The following TMEM60 variants were observed in gnomAD, a reference collection of about 807,000 sequenced individuals.
TMEM60 encodes the protein transmembrane protein 60.
A neutral mutation model predicts 10.7 loss-of-function variants in TMEM60; 4 were observed. That is an observed-to-expected ratio of 0.37 (90% CI 0.18 to 0.86). The LOEUF (loss-of-function observed/expected upper bound fraction) is 0.86, where lower values mean the gene tolerates loss of function less well. Among genes scored for constraint, TMEM60 ranks in the 40% least tolerant of loss-of-function variants. TMEM60 has a pLI of 0.43. For missense variants in TMEM60, 128 were observed against 153.4 expected, an observed-to-expected ratio of 0.83 and a Z score of 0.88; for synonymous variants, 56 against 58.1, an observed-to-expected ratio of 0.96 and a Z score of 0.17.
In TMEM60 at chr7:77,794,075, T is replaced by G. The variant is rs369051045; in HGVS notation, c.299A>C (p.Gln100Pro). The G allele has an allele frequency of 6.2e-7, 1 of 1,613,990 alleles. No homozygotes were observed. Among genetic ancestry groups the G allele is most frequent in the Non-Finnish European group, 8.5e-7 (1 of 1,180,014 alleles). ...FCLALCAKLE[Q>P]FTTMNLSYVF... ...ATAGGATAGATTCATGGTAGTAAAC[T>G]GTTCCAGTTTAGCACAGAGTGCGAG... is the stretch of plus-strand genomic sequence containing the variant. The change falls in exon 2 of 2, where the codon CAG (glutamine) becomes CCG (proline). Residue 100 changes from glutamine (Q) to proline (P), a missense_variant. By Grantham distance (76) the Gln-to-Pro change is moderately conservative. Transcript: ENST00000257663.
chr7:77,796,338 G>C (rs1792167185), intron 1 of TMEM60, among the ~76,000 whole-genome samples: 1 of 152,136 alleles, frequency 6.6e-6, no homozygotes, highest in Non-Finnish European at 1.5e-5. Context: ...ATAAAACTTA[G>C]CTTGGGATAG....
chr7:77,797,207 A>G (rs910930952), intron 1 of TMEM60, among the ~76,000 whole-genome samples: 1 of 152,060 alleles, frequency 6.6e-6, no homozygotes, highest in African/African-American at 2.4e-5. Flanking sequence ...GTTTTTGTGA[A>G]CCTCTGAAAA....
intron 1 of TMEM60, among the ~76,000 whole-genome samples, chr7:77,795,861 ACTAT>A (rs1461928266): frequency 6.6e-6 from 1 of 151,968 alleles, no homozygotes; most frequent in Non-Finnish European, 1.5e-5. Context: ...TTGCACTAAT[ACTAT>A]ATGACTTAGT....
Position 77,794,139 on chromosome 7 carries a change from A to G in TMEM60, c.235T>C (p.Trp79Arg). ...TTAAGTAACATTGCAATGAGGTACC[A>G]GGCTTTTTTTTTAATATTGTGTGAT... ...HGSHNIKKKA[W>R]YLIAMLLKLA... Residue 79 changes from tryptophan to arginine, a missense_variant, in exon 2 of 2, where the codon TGG becomes CGG. Coordinates refer to ENST00000257663, the MANE Select transcript of TMEM60 (RefSeq NM_032936.4). The G allele has an allele frequency of 6.2e-7, 1 of 1,613,734 alleles. No homozygotes were observed. The highest frequency in any genetic ancestry group is 8.5e-7 in the Non-Finnish European group (1 of 1,179,958).
chr7:77,797,566 T>C (rs1458256957), intron 1 of TMEM60, among the ~76,000 whole-genome samples: 13 of 152,190 alleles, frequency 8.5e-5, no homozygotes, highest in Admixed American at 8.5e-4. Flanking sequence ...TTTCCTACTA[T>C]TCTCTCCACA....
rs867555663 is a variant in TMEM60, at chr7:77,794,201, G to A, written c.173C>T (p.Ala58Val). 1.2e-6 allele frequency: 2 copies of A among 1,613,768 alleles called. No individual in the cohort carries two copies. Among genetic ancestry groups the A allele is most frequent in the Admixed American group, 1.7e-5 (1 of 59,950 alleles). Residue 58 changes from alanine to valine, a missense_variant, in exon 2 of 2, where the codon GCT becomes GTT. By Grantham distance (64) the Ala-to-Val change is moderately conservative (BLOSUM62 0). Transcript: ENST00000257663. ...ILLVLLIVKM[A>V]GRCKSGFDPR... The stretch of plus-strand genomic sequence containing the variant: ...GTCAAAGCCAGACTTACACCGCCCA[G>A]CCATTTTCACAATCAGCAGGACAAG...
chr7:77,796,863 A>G lies in TMEM60; in HGVS notation c.-51+1391T>C, dbSNP rs149712689. Among the ~76,000 whole-genome samples, 11 of 152,322 alleles carry G rather than the reference A, an allele frequency of 7.2e-5. No individual in the cohort carries two copies. The East Asian group carries it at 1.9e-3, about 27-fold the overall frequency. The stretch of plus-strand genomic sequence containing the variant: ...TGATGTACTGTGCAACATCTCTACT[A>G]CTTTAAATAGTGGGTGGCTATCACA... On this transcript the variant is annotated intron_variant, in intron 1 of 1. Transcript: ENST00000257663.
chr7:77,795,568 A>G (rs184381206), intron 1 of TMEM60, among the ~76,000 whole-genome samples: 1 of 152,310 alleles, frequency 6.6e-6, no homozygotes, highest in East Asian at 1.9e-4. Flanking sequence ...AAAGGCACTG[A>G]TAACACTGGA....
intron 1 of TMEM60, among the ~76,000 whole-genome samples, chr7:77,796,092 C>T (rs1338934719): frequency 1.3e-5 from 2 of 152,098 alleles, no homozygotes; most frequent in Non-Finnish European, 2.9e-5. Context: ...TGTGCGCCAC[C>T]ACGCCCAGCT....
At chr7:77,794,461 C>T in intron 1 of TMEM60, 38 bp from the exon 2 acceptor site, 1 of 1,347,104 alleles carries the variant, frequency 7.4e-7, no homozygotes, top group Non-Finnish European at 9.7e-7. Flanking sequence ...GTTTTGATAC[C>T]AGAAAAAAAG....
chr7:77,794,667 G>C (rs888562746), intron 1 of TMEM60, among the ~76,000 whole-genome samples: 3 of 152,132 alleles, frequency 2.0e-5, no homozygotes, highest in Non-Finnish European at 2.9e-5. Flanking sequence ...AAAATGTCAG[G>C]TGATTCCTTT....
Position 77,793,825 on chromosome 7 carries a change from T to G in TMEM60, c.*147A>C. On this transcript the variant is annotated 3_prime_UTR_variant, in exon 2 of 2. Transcript: ENST00000257663. ...CTGTAGGTTGACTAGAAGTCCGTGA[T>G]TCACCAATCCTGTTTTATGGAAGTA... The G allele has an allele frequency of 1.2e-6, 1 of 854,806 alleles. No homozygotes were observed. The allele number at this position is 854,806 out of a possible 1,614,324, so 53.0% of individuals were successfully genotyped here.
intron 1 of TMEM60, among the ~76,000 whole-genome samples, chr7:77,796,595 A>G (rs1366080513): frequency 6.6e-6 from 1 of 152,220 alleles, no homozygotes; most frequent in African/African-American, 2.4e-5. Flanking sequence ...CTGAAAGAAG[A>G]AATTTTCAGG....
chr7:77,795,071 T>A (rs1453696220), intron 1 of TMEM60, among the ~76,000 whole-genome samples: 2 of 152,156 alleles, frequency 1.3e-5, no homozygotes, highest in Non-Finnish European at 2.9e-5. Context: ...GGAGGATTGC[T>A]TGAGTCCAGG....
intron 1 of TMEM60, among the ~76,000 whole-genome samples, chr7:77,797,114 T>C (rs1337568439): frequency 1.3e-5 from 2 of 151,972 alleles, no homozygotes; most frequent in Non-Finnish European, 2.9e-5. Context: ...GGAAGCAGGG[T>C]TGGAGGGGTG....
At chr7:77,798,022 C>G (rs1314718616) in intron 1 of TMEM60, among the ~76,000 whole-genome samples, 1 of 152,094 alleles carries the variant, frequency 6.6e-6, no homozygotes, top group Non-Finnish European at 1.5e-5. Context: ...CACCGACAGT[C>G]GGCTCGCGGC....
intron 1 of TMEM60, among the ~76,000 whole-genome samples, chr7:77,797,593 G>C (rs1269791833): frequency 6.6e-6 from 1 of 152,142 alleles, no homozygotes; most frequent in Non-Finnish European, 1.5e-5. Context: ...GGGGAGGTGC[G>C]TACTCCAAAA....
At chr7:77,796,815 C>T (rs1420430983) in intron 1 of TMEM60, among the ~76,000 whole-genome samples, 1 of 152,134 alleles carries the variant, frequency 6.6e-6, no homozygotes, top group African/African-American at 2.4e-5. Context: ...TTAGCGTGCT[C>T]AATTATATTT....
At position 77,793,759 on chromosome 7, in the gene TMEM60, GATA is replaced by G. The variant is rs778420527; in HGVS notation, c.*210_*212del. ...CCAAAACAAACTTTATTTACATAGA[GATA>G]ATAAGGATCTCAATAACTCAAATGC... On this transcript the variant is annotated 3_prime_UTR_variant, in exon 2 of 2. Transcript: ENST00000257663. The G allele has an allele frequency of 2.1e-6, 1 of 481,338 alleles. No individual in the cohort carries two copies. The highest frequency in any genetic ancestry group is 3.5e-6 in the Non-Finnish European group (1 of 283,168). The allele number at this position is 481,338 out of a possible 1,614,324, so 29.8% of individuals were successfully genotyped here.
Sources: gnomAD v4.1 joint callset for allele counts (sites outside exome capture counted in the v4.1 genomes callset) on GRCh38, gnomAD v4.1.1 for gene constraint, MANE v1.5 for transcripts, NCBI Gene and HGNC (gene_info 2026-07-23, HGNC 2026-07-21) for gene names.